Variants in NAALADL2 observed in about 807,000 individuals in gnomAD.
NAALADL2 encodes inactive N-acetylated-alpha-linked acidic dipeptidase-like protein 2.
Under a neutral mutation model 87.2 loss-of-function variants are expected in NAALADL2, and 76 were observed. The ratio of observed to expected loss-of-function variants is 0.87; its 90% CI spans 0.72 to 1.05. NAALADL2 has a LOEUF of 1.05. Among genes scored for constraint, NAALADL2 ranks in the 50% least tolerant of loss-of-function variants. The pLI is 0.00. For missense variants in NAALADL2, 1,089 were observed against 945.8 expected (o/e 1.15, Z -1.99); for synonymous variants, 354 against 331.0 (o/e 1.07, Z -0.75).
At chr3:175,102,915 C>T (rs1722461893) in intron 2 of NAALADL2, among the ~76,000 whole-genome samples, 1 of 152,130 alleles carries the variant, frequency 6.6e-6, no homozygotes. Context: ...TGAGACCATC[C>T]TGGCCAACAT....
chr3:174,814,479 A>G (rs1250343853), intron 3 of NAALADL2, among the ~76,000 whole-genome samples: 1 of 152,160 alleles, frequency 6.6e-6, no homozygotes, highest in Non-Finnish European at 1.5e-5. Context: ...TATATGAAAT[A>G]ATATAATTTT....
intron 11 of NAALADL2, among the ~76,000 whole-genome samples, chr3:175,660,706 C>CCT (rs1235902193): frequency 3.9e-5 from 6 of 152,006 alleles, no homozygotes; most frequent in Admixed American, 3.9e-4. Context: ...CTATGCTCTA[C>CCT]CTCTGTAAGA....
At chr3:175,299,334 AGTG>A (rs1163876097) in intron 4 of NAALADL2, among the ~76,000 whole-genome samples, 1 of 152,026 alleles carries the variant, frequency 6.6e-6, no homozygotes, top group African/African-American at 2.4e-5. Flanking sequence ...GAAGAAAGTC[AGTG>A]GTAGCTTGAT....
chr3:175,112,071 T>A, intron 2 of NAALADL2, among the ~76,000 whole-genome samples: 1 of 151,600 alleles, frequency 6.6e-6, no homozygotes, highest in Admixed American at 6.6e-5. Flanking sequence ...TAAATAAGGT[T>A]TAGATGAGAA....
intron 2 of NAALADL2, among the ~76,000 whole-genome samples, chr3:174,629,737 G>C (rs1721926689): frequency 6.6e-6 from 1 of 152,142 alleles, no homozygotes; most frequent in Non-Finnish European, 1.5e-5. Context: ...TTCTTGAGGG[G>C]CTTAGCTATT....
chr3:174,488,512 A>G (rs1384079142), intron 1 of NAALADL2, among the ~76,000 whole-genome samples: 2 of 152,118 alleles, frequency 1.3e-5, no homozygotes, highest in African/African-American at 4.8e-5. Context: ...AATGTGCTGT[A>G]CAAGACTTCA....
At chr3:175,569,842 A>G (rs1717764992) in intron 9 of NAALADL2, among the ~76,000 whole-genome samples, 3 of 149,498 alleles carry the variant, frequency 2.0e-5, no homozygotes, top group Non-Finnish European at 4.5e-5. Flanking sequence ...ACACACACAC[A>G]CACACACACA....
chr3:175,295,433 A>G (rs139601203), intron 4 of NAALADL2, among the ~76,000 whole-genome samples: 33 of 152,192 alleles, frequency 2.2e-4, no homozygotes, highest in African/African-American at 7.2e-4. Context: ...TGGTACAGCA[A>G]TATACCTCCT....
chr3:175,621,437 A>T (rs77569805), intron 10 of NAALADL2, among the ~76,000 whole-genome samples: 1 of 152,284 alleles, frequency 6.6e-6, no homozygotes, highest in African/African-American at 2.4e-5. Flanking sequence ...GTGTAAACAT[A>T]TACCTCCATC....
intron 1 of NAALADL2, among the ~76,000 whole-genome samples, chr3:174,931,729 G>A (rs894516403): frequency 2.0e-5 from 3 of 152,088 alleles, no homozygotes; most frequent in African/African-American, 7.2e-5. Context: ...AAAGTGTCTG[G>A]GATGACATGA....
At chr3:174,521,513 A>C (rs1197521390) in intron 1 of NAALADL2, among the ~76,000 whole-genome samples, 1 of 146,718 alleles carries the variant, frequency 6.8e-6, no homozygotes, top group African/African-American at 2.5e-5. Context: ...CCGAGGTTGC[A>C]ATGAGCCAAG....
At chr3:174,510,931 T>C (rs1009488262) in intron 1 of NAALADL2, among the ~76,000 whole-genome samples, 7 of 151,990 alleles carry the variant, frequency 4.6e-5, no homozygotes, top group African/African-American at 1.7e-4. Context: ...GTTTTCTAAT[T>C]TCTATTATAA....
intron 9 of NAALADL2, among the ~76,000 whole-genome samples, chr3:175,518,812 C>T (rs1432111735): frequency 2.0e-5 from 3 of 152,154 alleles, no homozygotes; most frequent in East Asian, 3.8e-4. Flanking sequence ...CTCAATACTG[C>T]CACAGTGGGG....
chr3:175,740,503 G>A (rs1745079337), intron 12 of NAALADL2, among the ~76,000 whole-genome samples: 1 of 152,096 alleles, frequency 6.6e-6, no homozygotes, highest in African/African-American at 2.4e-5. Context: ...CGATGTTTAT[G>A]GTTAAAGGAA....
intron 4 of NAALADL2, among the ~76,000 whole-genome samples, chr3:175,297,977 A>G (rs1469670550): frequency 1.3e-5 from 2 of 152,188 alleles, no homozygotes; most frequent in Admixed American, 6.5e-5. Flanking sequence ...TTGCATATTC[A>G]TATTTGCTAA....
chr3:174,868,143 A>G (rs1727378899), intron 1 of NAALADL2, among the ~76,000 whole-genome samples: 1 of 152,096 alleles, frequency 6.6e-6, no homozygotes, highest in East Asian at 1.9e-4. Context: ...ATACATTGTG[A>G]GGGGTAAATA....
intron 1 of NAALADL2, among the ~76,000 whole-genome samples, chr3:175,042,593 ACTT>A (rs1386090907): frequency 6.6e-6 from 1 of 151,978 alleles, no homozygotes; most frequent in Non-Finnish European, 1.5e-5. Flanking sequence ...CCTCATCATC[ACTT>A]CTTATCTTCT....
Position 175,012,967 on chromosome 3 carries a change from GTA to G in NAALADL2, c.44-83812_44-83811del, listed in dbSNP as rs372741122. Among the ~76,000 whole-genome samples the G allele has an allele frequency of 3.9e-4, 50 of 126,986 alleles. 1 individual carries two copies. The East Asian group carries it at 7.6e-3, about 19-fold the overall frequency. The allele number at this position is 126,986 out of a possible 152,430, so 83.3% of individuals were successfully genotyped here. A position where few individuals can be genotyped will look rare whatever the true frequency, so the allele number is the denominator to read the frequency against. On this transcript the variant is annotated intron_variant, in intron 1 of 13. Transcript: ENST00000454872. The stretch of plus-strand genomic sequence containing the variant: ...TGTCCAATATAGCCTAGATGTGTGT[GTA>G]TATATATATACACAAAAATATATAT...
intron 2 of NAALADL2, among the ~76,000 whole-genome samples, chr3:174,702,448 C>A (rs1393624973): frequency 1.3e-5 from 2 of 152,130 alleles, no homozygotes; most frequent in Non-Finnish European, 2.9e-5. Flanking sequence ...TCTGTACCTG[C>A]TCTCAATCAG....
Sources: allele counts gnomAD v4.1 joint callset (sites outside exome capture counted in the v4.1 genomes callset), GRCh38; gene constraint gnomAD v4.1.1; transcripts MANE v1.5; gene names NCBI Gene and HGNC (gene_info 2026-07-23, HGNC 2026-07-21).